The following ALK variants were observed in gnomAD, a reference collection of about 807,000 sequenced individuals.
ALK encodes ALK receptor tyrosine kinase.
ALK carries 74 observed loss-of-function variants against 163.1 expected under a neutral mutation model. The observed-to-expected ratio is 0.45, with a 90% CI of 0.38 to 0.55. ALK has a LOEUF of 0.55. Ranked by LOEUF, ALK falls within the 20% of genes least tolerant of loss-of-function variation. The pLI, the probability that ALK is intolerant of heterozygous loss-of-function variation, is 0.00. For synonymous variants in ALK, 960 were observed against 843.2 expected (o/e 1.14, Z -2.40); for missense variants, 2,063 against 2,105.3 (o/e 0.98, Z 0.39).
intron 3 of ALK, among the ~76,000 whole-genome samples, chr2:29,590,896 C>A (rs965838554): frequency 1.3e-5 from 2 of 151,428 alleles, no homozygotes; most frequent in South Asian, 2.1e-4. Flanking sequence ...ACGGTGAAAC[C>A]CCGTTTCTAC....
chr2:29,822,849 G>A (rs1056539889), intron 1 of ALK, among the ~76,000 whole-genome samples: 9 of 152,218 alleles, frequency 5.9e-5, no homozygotes, highest in South Asian at 2.1e-4. Flanking sequence ...ATCAAGTGAG[G>A]CTGTTGGTTA....
intron 1 of ALK, among the ~76,000 whole-genome samples, chr2:29,763,955 A>G (rs565337014): frequency 6.6e-6 from 1 of 152,102 alleles, no homozygotes; most frequent in African/African-American, 2.4e-5. Flanking sequence ...CTCTCGTAAC[A>G]CCCTGTTTAT....
intron 8 of ALK, among the ~76,000 whole-genome samples, chr2:29,311,289 G>A (rs1044194132): frequency 4.6e-5 from 7 of 152,200 alleles, no homozygotes; most frequent in Non-Finnish European, 1.5e-5. Context: ...CTAGGGGATG[G>A]AGTGAGATCC....
intron 3 of ALK, among the ~76,000 whole-genome samples, chr2:29,640,390 C>A (rs1468820601): frequency 5.3e-5 from 8 of 152,090 alleles, no homozygotes; most frequent in South Asian, 2.1e-4. Flanking sequence ...TTCTCATGAG[C>A]TCTGGTTGTT....
chr2:29,673,643 AT>A (rs1354352308), intron 3 of ALK, among the ~76,000 whole-genome samples: 2 of 150,540 alleles, frequency 1.3e-5, no homozygotes, highest in East Asian at 3.9e-4. Flanking sequence ...TTGGCTTAGG[AT>A]TGACTTGGAA....
At chr2:29,639,088 T>G (rs1676626858) in intron 3 of ALK, among the ~76,000 whole-genome samples, 1 of 152,220 alleles carries the variant, frequency 6.6e-6, no homozygotes. Context: ...ACTCTAATTC[T>G]GACCTTATAG....
intron 1 of ALK, among the ~76,000 whole-genome samples, chr2:29,882,290 A>C (rs1456555647): frequency 6.6e-6 from 1 of 152,248 alleles, no homozygotes; most frequent in Admixed American, 6.5e-5. Context: ...CAAATTGCAA[A>C]CAAGTCATTT....
chr2:29,883,738 A>G (rs72794331), intron 1 of ALK, among the ~76,000 whole-genome samples: 6,024 of 152,312 alleles, frequency 0.04, 165 homozygotes, highest in East Asian at 0.14. Flanking sequence ...TTTGAACAAC[A>G]GGAGTTTGGA....
intron 3 of ALK, among the ~76,000 whole-genome samples, chr2:29,677,781 G>A (rs939560060): frequency 2.6e-5 from 4 of 151,986 alleles, no homozygotes; most frequent in Non-Finnish European, 4.4e-5. Context: ...TTAGGATCAG[G>A]GGAATAGTGA....
intron 4 of ALK, among the ~76,000 whole-genome samples, chr2:29,519,261 G>T (rs535810825): frequency 1.3e-5 from 2 of 152,352 alleles, no homozygotes; most frequent in Admixed American, 6.5e-5. Flanking sequence ...GTCAAAGCCA[G>T]ATGGGCTTTG....
At chr2:29,425,579 A>C (rs1379965804) in intron 4 of ALK, among the ~76,000 whole-genome samples, 2 of 152,164 alleles carry the variant, frequency 1.3e-5, no homozygotes. Flanking sequence ...TGCAAGAGAC[A>C]TGTTGAGAAG....
intron 4 of ALK, among the ~76,000 whole-genome samples, chr2:29,417,950 T>C (rs984431991): frequency 6.6e-6 from 1 of 152,274 alleles, no homozygotes; most frequent in Non-Finnish European, 1.5e-5. Context: ...AGTTATTTTC[T>C]GCGAATACAG....
intron 4 of ALK, among the ~76,000 whole-genome samples, chr2:29,402,814 T>C (rs1373390062): frequency 6.6e-6 from 1 of 152,160 alleles, no homozygotes; most frequent in African/African-American, 2.4e-5. Flanking sequence ...GAGGGTTCTC[T>C]CGCCAAGCAG....
chr2:29,475,636 G>T (rs1671497826), intron 4 of ALK, among the ~76,000 whole-genome samples: 1 of 152,198 alleles, frequency 6.6e-6, no homozygotes. Flanking sequence ...GCCCCTGCTA[G>T]CTCTATGTAG....
chr2:29,278,407 G>A (rs1347373287), intron 9 of ALK, among the ~76,000 whole-genome samples: 1 of 152,206 alleles, frequency 6.6e-6, no homozygotes, highest in African/African-American at 2.4e-5. Context: ...TGTGATGGGA[G>A]TAGTAAGCAG....
chr2:29,373,848 G>A (rs144587522), intron 5 of ALK, among the ~76,000 whole-genome samples: 106 of 152,278 alleles, frequency 7.0e-4, no homozygotes, highest in African/African-American at 2.5e-3. Flanking sequence ...TACCTCTACA[G>A]AATTAAGCAG....
At chr2:29,238,034 TG>T (rs1170237655) in intron 13 of ALK, among the ~76,000 whole-genome samples, 10 of 152,222 alleles carry the variant, frequency 6.6e-5, no homozygotes, top group African/African-American at 2.4e-4. Context: ...TATGTGCACA[TG>T]TGCTGTGTTT....
At chr2:29,271,464 G>C (rs1356651963) in intron 11 of ALK, among the ~76,000 whole-genome samples, 1 of 152,230 alleles carries the variant, frequency 6.6e-6, no homozygotes, top group Non-Finnish European at 1.5e-5. Flanking sequence ...TTGGAGATAT[G>C]GGCCAAATAA....
At chr2:29,766,510 T>C (rs906629683) in intron 1 of ALK, among the ~76,000 whole-genome samples, 1 of 152,178 alleles carries the variant, frequency 6.6e-6, no homozygotes, top group African/African-American at 2.4e-5. Flanking sequence ...TGTTCATTCA[T>C]CAAGACATAC....
Sources: allele counts gnomAD v4.1 joint callset (sites outside exome capture counted in the v4.1 genomes callset), GRCh38; gene constraint gnomAD v4.1.1; transcripts MANE v1.5; gene names NCBI Gene and HGNC (gene_info 2026-07-23, HGNC 2026-07-21).